CHIC1: variants seen among roughly 807,000 people sequenced by gnomAD.
The protein encoded by CHIC1 is cysteine-rich hydrophobic domain-containing protein 1.
Under a neutral mutation model 18.5 loss-of-function variants are expected in CHIC1, and 7 were observed. The ratio of observed to expected loss-of-function variants is 0.38; its 90% CI spans 0.22 to 0.71. The LOEUF (loss-of-function observed/expected upper bound fraction) is 0.71, where lower values mean the gene tolerates loss of function less well. Among genes scored for constraint, CHIC1 ranks in the 30% least tolerant of loss-of-function variants. The probability of loss-of-function intolerance (pLI) is 0.49; values close to 1 mark genes in which losing one functional copy is unlikely to be tolerated. For missense variants in CHIC1, 159 were observed against 176.9 expected (o/e 0.90, Z 0.57); for synonymous variants, 77 against 73.5 (o/e 1.05, Z -0.25).
chrX:73,640,150 T>C (rs1321376872), intron 3 of CHIC1, among the ~76,000 whole-genome samples: 1 of 111,830 alleles, frequency 8.9e-6, no homozygotes, highest in African/African-American at 3.2e-5. Context: ...TTATTCGGTA[T>C]GGTGTTGGCT....
At chrX:73,596,984 C>G (rs1016934317) in intron 3 of CHIC1, among the ~76,000 whole-genome samples, 7 of 111,470 alleles carry the variant, frequency 6.3e-5, no homozygotes, top group African/African-American at 2.3e-4. Context: ...ACTTCATGAC[C>G]AAAATACCAA....
At chrX:73,583,536 T>C (rs2057537845) in intron 2 of CHIC1, among the ~76,000 whole-genome samples, 2 of 111,777 alleles carry the variant, frequency 1.8e-5, no homozygotes. Flanking sequence ...TCATAAACTT[T>C]ATAGTCTGAC....
chrX:73,633,339 T>C lies in CHIC1; in HGVS notation c.508-45987T>C, dbSNP rs943206889. Among the ~76,000 whole-genome samples the C allele has an allele frequency of 2.7e-5, 3 of 109,298 alleles. No individual in the cohort carries two copies. In the East Asian group the frequency reaches 8.7e-4, roughly 32 times the overall value. 94.9% of individuals were successfully genotyped at this position (109,298 alleles called of 115,157 possible). A position where few individuals can be genotyped will look rare whatever the true frequency, so the allele number is the denominator to read the frequency against. ...TGGCAGTTTTTTTTTCCTTCAGCAG[T>C]TTGAATATATGATCTCACTCTCTTA... On this transcript the variant is annotated intron_variant, in intron 3 of 5. Transcript: ENST00000373502.
chrX:73,659,948 C>T (rs150928387), intron 3 of CHIC1, among the ~76,000 whole-genome samples: 153 of 111,527 alleles, frequency 1.4e-3, no homozygotes, highest in Admixed American at 4.5e-3. Flanking sequence ...ATGATAGACG[C>T]GGACATCAGT....
At chrX:73,584,711 G>A (rs1236527663) in intron 3 of CHIC1, 139 bp downstream of exon 3, 1 of 422,913 alleles carries the variant, frequency 2.4e-6, no homozygotes, top group Non-Finnish European at 3.7e-6. Context: ...TTAGAGATAA[G>A]GAAACTTGGG....
chrX:73,573,306 T>C (rs1236264983), intron 1 of CHIC1, among the ~76,000 whole-genome samples: 1 of 111,481 alleles, frequency 9.0e-6, no homozygotes, highest in East Asian at 2.8e-4. Context: ...TCTATGTGTG[T>C]TTTTGTGCCA....
At chrX:73,636,509 G>A (rs539461690) in intron 3 of CHIC1, among the ~76,000 whole-genome samples, 1 of 111,219 alleles carries the variant, frequency 9.0e-6, no homozygotes. Flanking sequence ...TTTAATCAAT[G>A]TACATTTAAA....
chrX:73,677,767 C>T (rs909033750), intron 3 of CHIC1, among the ~76,000 whole-genome samples: 13 of 112,170 alleles, frequency 1.2e-4, no homozygotes, highest in African/African-American at 4.2e-4. Flanking sequence ...TTCTGGCCCT[C>T]CCCAGTGAGA....
intron 3 of CHIC1, among the ~76,000 whole-genome samples, chrX:73,643,073 A>C (rs1202114470): frequency 2.7e-5 from 3 of 111,489 alleles, no homozygotes; most frequent in Admixed American, 9.5e-5. Flanking sequence ...GTGGTGACAA[A>C]ATCTCTCAGC....
chrX:73,589,815 C>T (rs997479227), intron 3 of CHIC1, among the ~76,000 whole-genome samples: 1 of 111,008 alleles, frequency 9.0e-6, no homozygotes, highest in African/African-American at 3.3e-5. Flanking sequence ...CCTTGGTTGT[C>T]TGGGAATTTC....
intron 3 of CHIC1, among the ~76,000 whole-genome samples, chrX:73,645,178 G>T (rs1027810743): frequency 2.7e-5 from 3 of 112,514 alleles, no homozygotes; most frequent in Non-Finnish European, 5.6e-5. Flanking sequence ...ATCTATCTGT[G>T]CCTGGCTTTT....
chrX:73,657,261 C>A (rs955502682), intron 3 of CHIC1, among the ~76,000 whole-genome samples: 8 of 109,680 alleles, frequency 7.3e-5, no homozygotes, highest in Non-Finnish European at 1.1e-4. Context: ...AGGGTTTCAC[C>A]ATGTCAGCCA....
At chrX:73,634,557 T>C (rs1471964350) in intron 3 of CHIC1, among the ~76,000 whole-genome samples, 1 of 111,742 alleles carries the variant, frequency 8.9e-6, no homozygotes, top group Non-Finnish European at 1.9e-5. Context: ...TCATGTTGGC[T>C]AGTTGGGGTG....
chrX:73,606,674 C>T (rs1958693098), intron 3 of CHIC1, among the ~76,000 whole-genome samples: 1 of 108,271 alleles, frequency 9.2e-6, no homozygotes, highest in Non-Finnish European at 1.9e-5. Flanking sequence ...TTTTTGTGTA[C>T]GTCCTTTTTG....
intron 2 of CHIC1, among the ~76,000 whole-genome samples, chrX:73,580,376 A>T (rs987375373): frequency 9.0e-6 from 1 of 111,144 alleles, no homozygotes; most frequent in Non-Finnish European, 1.9e-5. Context: ...CATTATGTAT[A>T]GTGTACAAAA....
At chrX:73,680,646 GA>G (rs1374347123) in intron 5 of CHIC1, among the ~76,000 whole-genome samples, 1 of 110,577 alleles carries the variant, frequency 9.0e-6, no homozygotes, top group African/African-American at 3.3e-5. Flanking sequence ...GGGTGTGGGG[GA>G]AAAACATAAT....
chrX:73,568,156 G>A (rs967437533), intron 1 of CHIC1, among the ~76,000 whole-genome samples: 4 of 111,520 alleles, frequency 3.6e-5, no homozygotes, highest in African/African-American at 9.8e-5. Context: ...GGATGTGTAC[G>A]AATACAACAA....
chrX:73,680,381 C>A (rs775687356), intron 5 of CHIC1, among the ~76,000 whole-genome samples: 44 of 110,925 alleles, frequency 4.0e-4, no homozygotes, highest in Non-Finnish European at 7.8e-4. Context: ...ATGCATATGA[C>A]CACAAGTCTA....
intron 3 of CHIC1, among the ~76,000 whole-genome samples, chrX:73,634,882 A>G (rs1206726025): frequency 1.8e-5 from 2 of 111,170 alleles, no homozygotes; most frequent in Admixed American, 9.5e-5. Flanking sequence ...AAGCTGTGCC[A>G]TCTTGGTGGA....
Sources: gnomAD v4.1 joint callset for allele counts (sites outside exome capture counted in the v4.1 genomes callset) on GRCh38, gnomAD v4.1.1 for gene constraint, MANE v1.5 for transcripts, NCBI Gene and HGNC (gene_info 2026-07-23, HGNC 2026-07-21) for gene names.